ORMDL2: variants seen among roughly 807,000 people sequenced by gnomAD.
The protein encoded by ORMDL2 is ORMDL sphingolipid biosynthesis regulator 2.
ORMDL2 carries 11 observed loss-of-function variants against 13.5 expected under a neutral mutation model. That is an observed-to-expected ratio of 0.82 (90% CI 0.51 to 1.35). The LOEUF is 1.35. Among genes scored for constraint, ORMDL2 ranks in the 40% most tolerant of loss-of-function variants. The pLI, the probability that ORMDL2 is intolerant of heterozygous loss-of-function variation, is 0.00. For missense variants in ORMDL2, 160 were observed against 191.1 expected, an observed-to-expected ratio of 0.84 and a Z score of 0.96; for synonymous variants, 73 against 76.5, an observed-to-expected ratio of 0.95 and a Z score of 0.24.
chr12:55,819,280 C>T, intron 2 of ORMDL2, 62 bp from the exon 3 acceptor site: 1 of 1,592,380 alleles, frequency 6.3e-7, no homozygotes, highest in South Asian at 1.1e-5. Context: ...GGGATCTTAA[C>T]ATAATTCTTT....
At chr12:55,820,158 C>T (rs1214901647) in intron 3 of ORMDL2, 102 bp from the exon 4 acceptor site, 18 of 1,085,312 alleles carry the variant, frequency 1.7e-5, no homozygotes, top group Non-Finnish European at 2.5e-5. Context: ...ATAGCCACTG[C>T]ACTCCAACCT....
chr12:55,819,591 A>G, intron 3 of ORMDL2, 98 bp downstream of exon 3: 5 of 1,050,034 alleles, frequency 4.8e-6, no homozygotes, highest in Non-Finnish European at 5.7e-6. Context: ...CAGACTTCTC[A>G]TCTAAAACCC....
At chr12:55,820,077 T>A (rs893497172) in intron 3 of ORMDL2, among the ~76,000 whole-genome samples, 183 bp from the exon 4 acceptor site, 1 of 152,152 alleles carries the variant, frequency 6.6e-6, no homozygotes, top group Admixed American at 6.5e-5. Context: ...CCCAGCTACT[T>A]GGGAGGCTAT....
At chr12:55,819,574 T>A in intron 3 of ORMDL2, 81 bp downstream of exon 3, 1 of 1,282,222 alleles carries the variant, frequency 7.8e-7, no homozygotes, top group South Asian at 1.3e-5. Flanking sequence ...GGGAAGCTGT[T>A]AAAAAGCAGA....
At position 55,821,411 on chromosome 12, in the gene ORMDL2, C is replaced by T. The variant is rs1477576383; in HGVS notation, c.*1016C>T. 2.6e-5 allele frequency: 4 copies of T among 152,600 alleles called. No homozygotes were observed. Among genetic ancestry groups the T allele is most frequent in the Non-Finnish European group, 4.4e-5 (3 of 68,060 alleles). 9.5% of individuals were successfully genotyped at this position (152,600 alleles called of 1,614,324 possible). On this transcript the variant is annotated 3_prime_UTR_variant, in exon 4 of 4. Transcript: ENST00000243045. The stretch of plus-strand genomic sequence containing the variant: ...AAAGGGTGGGAAAAAGTGTCATCTG[C>T]CCTAAAAGCAAATGACAAGACAAAG...
rs781588760 is a variant in ORMDL2 at position 55,819,426 on chromosome 12, G to C, written c.259G>C (p.Glu87Gln). The C allele has an allele frequency of 6.2e-7, 1 of 1,614,138 alleles. No homozygotes were observed. ...QGKARLLTHW[E>Q]QMDYGLQFTS... ...AAAGGCTCGGCTACTGACACACTGG[G>C]AGCAAATGGACTATGGGCTCCAGTT... Residue 87 changes from glutamate (E) to glutamine (Q), a missense_variant, in exon 3 of 4, where the codon GAG becomes CAG. Physicochemically the swap from Glu to Gln is conservative, Grantham distance 29 (BLOSUM62 2). Coordinates refer to ENST00000243045, the MANE Select transcript of ORMDL2 (RefSeq NM_014182.5).
rs565070588 is a variant in ORMDL2, at chr12:55,820,937, G to C, written c.*542G>C. The C allele has an allele frequency of 6.5e-6, 1 of 153,500 alleles. No individual in the cohort carries two copies. The highest frequency in any genetic ancestry group is 2.4e-5 in the African/African-American group (1 of 41,548). 9.5% of individuals were successfully genotyped at this position (153,500 alleles called of 1,614,324 possible). On this transcript the variant is annotated 3_prime_UTR_variant, in exon 4 of 4. Coordinates refer to ENST00000243045, the MANE Select transcript of ORMDL2 (RefSeq NM_014182.5). ...CTTAGTAGGGAAGAGATTCTCAAAT[G>C]AGAAAAAGGGCTCCGGCTATATGGG...
Position 55,821,320 on chromosome 12 carries a change from T to C in ORMDL2, c.*925T>C, listed in dbSNP as rs570700853. The C allele has an allele frequency of 6.5e-6, 1 of 152,736 alleles. No homozygotes were observed. The highest frequency in any genetic ancestry group is 2.1e-4 in the South Asian group (1 of 4,828). 9.5% of individuals were successfully genotyped at this position (152,736 alleles called of 1,614,324 possible). ...CTTTCTTGTTCTCTTTTAAATATTA[T>C]ATCAGGATAAAGGAGAGGGCTCCCT... On this transcript the variant is annotated 3_prime_UTR_variant, in exon 4 of 4. Transcript: ENST00000243045.
intron 1 of ORMDL2, 144 bp from the exon 2 acceptor site, chr12:55,818,855 T>A: frequency 1.5e-6 from 1 of 674,948 alleles, no homozygotes; most frequent in Non-Finnish European, 2.5e-6. Flanking sequence ...GTCTTCAGTT[T>A]TTATTTTCTG....
chr12:55,818,231 C>A (rs1880567209), intron 1 of ORMDL2, 119 bp downstream of exon 1: 2 of 331,990 alleles, frequency 6.0e-6, no homozygotes, highest in Non-Finnish European at 1.2e-5. Context: ...CCTGAAAAAA[C>A]CGATGAACAT....
Position 55,818,068 on chromosome 12 carries a change from T to C in ORMDL2, c.-46T>C. ...TACTTCCTGGAGACTTCAGGTGTGG[T>C]AGCCGGCGCCGCGCCCATAGCCGGA... On this transcript the variant is annotated 5_prime_UTR_variant, in exon 1 of 4. Transcript: ENST00000243045. The C allele has an allele frequency of 3.8e-6, 2 of 526,906 alleles. No individual in the cohort carries two copies. The highest frequency in any genetic ancestry group is 7.3e-6 in the Non-Finnish European group (2 of 273,986). 32.6% of individuals were successfully genotyped at this position (526,906 alleles called of 1,614,324 possible). A position where few individuals can be genotyped will look rare whatever the true frequency, so the allele number is the denominator to read the frequency against.
Position 55,820,303 on chromosome 12 carries a change from T to G in ORMDL2, c.370T>G (p.Phe124Val). The stretch of plus-strand genomic sequence containing the variant: ...CTATACCAAGTATGATGCTGCGCAC[T>G]TCCTCATCAACACAGCCTCATTGCT... ...SFYTKYDAAH[F>V]LINTASLLSV... is the part of the protein sequence containing the mutation. The change falls in exon 4 of 4, where the codon TTC (phenylalanine) becomes GTC (valine). Residue 124 changes from phenylalanine to valine, a missense_variant. By Grantham distance (50) the Phe-to-Val change is conservative. Coordinates refer to ENST00000243045, the MANE Select transcript of ORMDL2 (RefSeq NM_014182.5). 1.9e-6 allele frequency: 3 copies of G among 1,613,950 alleles called. No homozygotes were observed. The highest frequency in any genetic ancestry group is 2.5e-6 in the Non-Finnish European group (3 of 1,179,864).
chr12:55,818,348 A>G (rs879872082), intron 1 of ORMDL2: 2 of 292,814 alleles, frequency 6.8e-6, no homozygotes, highest in Non-Finnish European at 1.4e-5. Context: ...TAGAGCTACC[A>G]CAATTTTAAA....
chr12:55,818,312 GCTTC>G (rs1565686979), intron 1 of ORMDL2, 200 bp downstream of exon 1: 1 of 333,448 alleles, frequency 3.0e-6, no homozygotes, highest in Admixed American at 4.1e-5. Context: ...GGCAAGAGCC[GCTTC>G]CTAACCAGAC....
chr12:55,820,226 C>A (rs759289854), intron 3 of ORMDL2, 34 bp from the exon 4 acceptor site: 106 of 1,588,398 alleles, frequency 6.7e-5, no homozygotes, highest in Admixed American at 8.5e-5. Flanking sequence ...TAGAGAAGGT[C>A]AACCTCACTC....
intron 2 of ORMDL2, 55 bp from the exon 3 acceptor site, chr12:55,819,287 C>A (rs1196353145): frequency 1.3e-6 from 2 of 1,592,640 alleles, no homozygotes; most frequent in Non-Finnish European, 8.6e-7. Flanking sequence ...TAACATAATT[C>A]TTTGACTGAA....
rs1430408254 is a variant in ORMDL2, at chr12:55,818,052, G to A, written c.-62G>A. ...GCAGAAGGAGAGGCGTTACTTCCTG[G>A]AGACTTCAGGTGTGGTAGCCGGCGC... is the stretch of plus-strand genomic sequence containing the variant. On this transcript the variant is annotated 5_prime_UTR_variant, in exon 1 of 4. Coordinates refer to ENST00000243045, the MANE Select transcript of ORMDL2 (RefSeq NM_014182.5). The A allele has an allele frequency of 1.8e-6, 1 of 557,272 alleles. No homozygotes were observed. The highest frequency in any genetic ancestry group is 3.4e-6 in the Non-Finnish European group (1 of 293,464). 34.5% of individuals were successfully genotyped at this position (557,272 alleles called of 1,614,324 possible).
intron 1 of ORMDL2, chr12:55,818,387 C>T: frequency 3.6e-6 from 1 of 276,330 alleles, no homozygotes; most frequent in Non-Finnish European, 7.2e-6. Context: ...CACTGCTGCC[C>T]CTGGAGTCAG....
chr12:55,818,985 C>T lies in ORMDL2; in HGVS notation c.-1-14C>T, dbSNP rs202031386. 5 of 1,608,134 alleles carry T rather than the reference C, an allele frequency of 3.1e-6. No individual in the cohort carries two copies. The highest frequency in any genetic ancestry group is 1.7e-5 in the Admixed American group (1 of 59,888). ...ACTGAGCTGGACTCCTGCCTGATCC[C>T]CCATTACGGCTAGGATGAATGTGGG... On this transcript the variant is annotated splice_polypyrimidine_tract_variant and intron_variant, in intron 1 of 3. Coordinates refer to ENST00000243045, the MANE Select transcript of ORMDL2 (RefSeq NM_014182.5).
Sources: gnomAD v4.1 joint callset for allele counts (sites outside exome capture counted in the v4.1 genomes callset) on GRCh38, gnomAD v4.1.1 for gene constraint, MANE v1.5 for transcripts, NCBI Gene and HGNC (gene_info 2026-07-23, HGNC 2026-07-21) for gene names.